Variants in MIB2 observed in about 807,000 individuals in gnomAD.
MIB2 encodes the protein MIB E3 ubiquitin protein ligase 2.
In MIB2, 78 loss-of-function variants were observed where a neutral mutation model predicts 96.6. The observed-to-expected ratio is 0.81, with a 90% CI of 0.67 to 0.97. The LOEUF is 0.97. Among genes scored for constraint, MIB2 ranks in the 50% least tolerant of loss-of-function variants. MIB2 has a pLI of 0.00. For missense variants in MIB2, 1,543 were observed against 1,424.0 expected (o/e 1.08, Z -1.35); for synonymous variants, 820 against 629.5 (o/e 1.30, Z -4.53).
At chr1:1,618,982 G>A (rs9442425) in intron 2 of MIB2, 103,678 of 152,402 alleles carry the variant, frequency 0.68, 36,083 homozygotes, top group Non-Finnish European at 0.74. Flanking sequence ...CAGGAGCCCA[G>A]TGGCAGGTCT....
rs1203774309 is a variant in MIB2, at chr1:1,627,705, G to C, written c.1556G>C (p.Ser519Thr). 6.3e-7 allele frequency: 1 copy of C among 1,595,412 alleles called. No homozygotes were observed. Among genetic ancestry groups the C allele is most frequent in the Admixed American group, 1.7e-5 (1 of 59,646 alleles). ...NQPEATRVLL[S>T]AGCRADAINS... ...CCCGAGGCCACCAGGGTGCTCCTGA[G>C]TGCTGGGTGCCGGGCGGACGCCATC... The change falls in exon 13 of 20, where the codon AGT becomes ACT. Residue 519 changes from serine (S) to threonine (T), a missense_variant. Coordinates refer to ENST00000355826, the MANE Select transcript of MIB2 (RefSeq NM_001170687.4).
chr1:1,615,473 T>G, upstream of MIB2: 1 of 1,520,024 alleles, frequency 6.6e-7, no homozygotes, highest in South Asian at 1.2e-5. Context: ...GCGGGGGCGC[T>G]CCGGCGGGGG....
chr1:1,630,591 A>T lies in MIB2; in HGVS notation c.*61A>T. On this transcript the variant is annotated 3_prime_UTR_variant, in exon 20 of 20. Coordinates refer to ENST00000355826, the MANE Select transcript of MIB2 (RefSeq NM_001170687.4). ...TGCCCCCGCCCTGTGTTTTATAAAA[A>T]GAAAGATTCTCGGACGTTGCCTCTG... is the stretch of plus-strand genomic sequence containing the variant. 7.4e-7 allele frequency: 1 copy of T among 1,346,530 alleles called. No individual in the cohort carries two copies. The highest frequency in any genetic ancestry group is 1.5e-5 in the South Asian group (1 of 67,668). The allele number at this position is 1,346,530 out of a possible 1,614,324, so 83.4% of individuals were successfully genotyped here.
chr1:1,628,629 A>G lies in MIB2; in HGVS notation c.2109A>G (p.Thr703=), dbSNP rs1480102632. ...ACGCCGAGGACGAGGAGGGGGACAC[A>G]GCCCTGCACGTGGCGCTGCAGCGTC... is the stretch of plus-strand genomic sequence containing the variant. The part of the protein sequence containing the change: ...SVNAEDEEGD[T]ALHVALQRHQ... Residue 703 remains threonine, a synonymous_variant, in exon 16 of 20, where the codon ACA becomes ACG. Coordinates refer to ENST00000355826, the MANE Select transcript of MIB2 (RefSeq NM_001170687.4). 3 of 1,597,580 alleles carry G rather than the reference A, an allele frequency of 1.9e-6. No homozygotes were observed. In the East Asian group the frequency reaches 6.8e-5, roughly 36 times the overall value.
chr1:1,623,779 C>G lies in MIB2; in HGVS notation c.253C>G (p.Arg85Gly), dbSNP rs377571029. The G allele has an allele frequency of 6.3e-7, 1 of 1,597,102 alleles. No homozygotes were observed. Residue 85 changes from arginine to glycine, a missense_variant, in exon 4 of 20, where the codon CGG (arginine) becomes GGG (glycine). By Grantham distance (125) the Arg-to-Gly change is moderately radical (BLOSUM62 -2). Coordinates refer to ENST00000355826, the MANE Select transcript of MIB2 (RefSeq NM_001170687.4). ...TGACCCCACCCCACCCCCAGGCGTCCGGCACCCCAACATCATCTGTGACTG... is the reference window on the plus strand; with the variant it reads ...TGACCCCACCCCACCCCCAGGCGTCGGGCACCCCAACATCATCTGTGACTG... ...LLYDNAQIGV[R>G]HPNIICDCCK...
At position 1,625,302 on chromosome 1, in the gene MIB2, G is replaced by A. The variant is rs1282046190; in HGVS notation, c.738G>A (p.Leu246=). The change falls in exon 7 of 20, where the codon CTG becomes CTA. Residue 246 remains leucine, a synonymous_variant. Coordinates refer to ENST00000355826, the MANE Select transcript of MIB2 (RefSeq NM_001170687.4). The surrounding 1 kb of genome is among the most constrained non-coding windows in gnomAD (Gnocchi z 5.0). ...HLPRLGKPAE[L]QRRVSADSQP... Reference sequence around the variant, plus strand: ...CCTCCGCAGGCAAGCCGGCGGAGCTGCAGCGCAGGGTGAGTGCTGACAGCC... The same window carrying A: ...CCTCCGCAGGCAAGCCGGCGGAGCTACAGCGCAGGGTGAGTGCTGACAGCC... 9 of 1,584,598 alleles carry A rather than the reference G, an allele frequency of 5.7e-6. No homozygotes were observed. The highest frequency in any genetic ancestry group is 7.7e-6 in the Non-Finnish European group (9 of 1,167,128).
At position 1,627,085 on chromosome 1, in the gene MIB2, G is replaced by A. The variant is rs778699079; in HGVS notation, c.1252G>A (p.Val418Met). ...AGCCCTGCCCCCAGGCTCACTGAGC[G>A]TGGCCCTGGACAAGCTTCGGGCCCA... ...RARENKSSLSVALDKLRAQKS... is the reference protein window; with the variant it reads ...RARENKSSLSMALDKLRAQKS... Residue 418 changes from valine (V) to methionine (M), a missense_variant, in exon 11 of 20, where the codon GTG becomes ATG. Coordinates refer to ENST00000355826, the MANE Select transcript of MIB2 (RefSeq NM_001170687.4). The A allele has an allele frequency of 1.6e-5, 26 of 1,600,178 alleles. No individual in the cohort carries two copies. The highest frequency in any genetic ancestry group is 4.5e-5 in the East Asian group (2 of 44,294).
rs1020166211 is a variant in MIB2 at position 1,625,497 on chromosome 1, T to G, written c.865-49T>G. On this transcript the variant is annotated intron_variant, in intron 7 of 19. Coordinates refer to ENST00000355826, the MANE Select transcript of MIB2 (RefSeq NM_001170687.4). This position sits in a 1 kb window ranked among gnomAD's most constrained non-coding sequence, Gnocchi z 5.0. The stretch of plus-strand genomic sequence containing the variant: ...GCCCTCCGCCCCCTCAGCCCCTTCC[T>G]CCCCAAGCGTCCAGCCCGACCCAGC... 2 of 1,260,196 alleles carry G rather than the reference T, an allele frequency of 1.6e-6. No homozygotes were observed. Among genetic ancestry groups the G allele is most frequent in the Non-Finnish European group, 2.1e-6 (2 of 930,512 alleles). 78.1% of individuals were successfully genotyped at this position (1,260,196 alleles called of 1,614,324 possible).
upstream of MIB2, chr1:1,614,189 T>C (rs1373868668): frequency 6.6e-6 from 1 of 152,196 alleles, no homozygotes; most frequent in African/African-American, 2.4e-5. Flanking sequence ...GGTACCAAAA[T>C]GGAACTACTT....
chr1:1,628,949 A>G (rs1043978477), intron 16 of MIB2, 184 bp from the exon 17 acceptor site: 3 of 724,102 alleles, frequency 4.1e-6, no homozygotes, highest in Non-Finnish European at 6.5e-6. Context: ...GGTGGAGCTT[A>G]GGGTCTCAGA....
chr1:1,620,314 G>C (rs749270173), intron 2 of MIB2, among the ~76,000 whole-genome samples: 2 of 152,184 alleles, frequency 1.3e-5, no homozygotes, highest in East Asian at 1.9e-4. Context: ...GCTTTTTTGC[G>C]GTCCCAAGTC....
intron 4 of MIB2, chr1:1,624,312 C>A: frequency 2.9e-6 from 1 of 350,626 alleles, no homozygotes; most frequent in South Asian, 3.0e-5. Context: ...AGGTGCCACC[C>A]CGTCCCCTGC....
Position 1,625,402 on chromosome 1 carries a change from G to C in MIB2, c.838G>C (p.Gly280Arg). The stretch of plus-strand genomic sequence containing the variant: ...CCTGCGGGAGATGCAGGAAGGCCAC[G>C]GCGGCTGGAACCCCAGGATGGCGGA... ...DVLREMQEGH[G>R]GWNPRMAEFI... is the part of the protein sequence containing the mutation. The change falls in exon 7 of 20, where the codon GGC (glycine) becomes CGC (arginine). Residue 280 changes from glycine (G) to arginine (R), a missense_variant. Transcript: ENST00000355826. The surrounding 1 kb of genome is among the most constrained non-coding windows in gnomAD (Gnocchi z 5.0). 6.3e-7 allele frequency: 1 copy of C among 1,578,208 alleles called. No individual in the cohort carries two copies. The highest frequency in any genetic ancestry group is 2.4e-5 in the East Asian group (1 of 42,484).
rs1429138800 is a variant in MIB2 at position 1,627,667 on chromosome 1, T to C, written c.1524-6T>C. On this transcript the variant is annotated splice_polypyrimidine_tract_variant and splice_region_variant and intron_variant, in intron 12 of 19. Transcript: ENST00000355826. ...GCCCTCCCTCTCCCACTTCCTCTCC[T>C]GTCAGGAACCAGCCCGAGGCCACCA... 6.3e-7 allele frequency: 1 copy of C among 1,589,658 alleles called. No individual in the cohort carries two copies.
In MIB2 at chr1:1,628,561, G is replaced by T. The variant is rs758867372; in HGVS notation, c.2041G>T (p.Val681Leu). The T allele has an allele frequency of 3.7e-6, 6 of 1,601,120 alleles. No homozygotes were observed. In the East Asian group the frequency reaches 1.3e-4, roughly 36 times the overall value. Residue 681 changes from valine (V) to leucine (L), a missense_variant, in exon 16 of 20, where the codon GTG becomes TTG. Val to Leu is a conservative substitution (Grantham distance 32). Transcript: ENST00000355826. ...PLHLAVQQAH[V>L]GLVPLLVDAG... ...GCATCTCGCCGTGCAACAGGCCCACGTGGGGCTGGTGCCGCTACTGGTGGA... is the reference window on the plus strand; with the variant it reads ...GCATCTCGCCGTGCAACAGGCCCACTTGGGGCTGGTGCCGCTACTGGTGGA...
chr1:1,623,863 G>A lies in MIB2; in HGVS notation c.337G>A (p.Asp113Asn). Residue 113 changes from aspartate (D) to asparagine (N), a missense_variant, in exon 4 of 20, where the codon GAC (aspartate) becomes AAC (asparagine). Transcript: ENST00000355826. Reference protein sequence around the residue: ...RWKCRVCLDYDLCTQCYMHNK... With the variant: ...RWKCRVCLDYNLCTQCYMHNK... ...GAAGTGCCGTGTGTGCCTGGACTAC[G>A]ACCTCTGCACGCAGTGCTACATGCA... 1.9e-6 allele frequency: 3 copies of A among 1,611,774 alleles called. No homozygotes were observed. Among genetic ancestry groups the A allele is most frequent in the Non-Finnish European group, 2.5e-6 (3 of 1,179,482 alleles).
In MIB2 at chr1:1,626,591, A is replaced by G. The variant is rs1644788311; in HGVS notation, c.973-59A>G. 5.0e-6 allele frequency: 7 copies of G among 1,410,940 alleles called. No homozygotes were observed. Among genetic ancestry groups the G allele is most frequent in the Admixed American group, 2.7e-5 (1 of 37,090 alleles). 87.4% of individuals were successfully genotyped at this position (1,410,940 alleles called of 1,614,324 possible). A position where few individuals can be genotyped will look rare whatever the true frequency, so the allele number is the denominator to read the frequency against. On this transcript the variant is annotated intron_variant, in intron 8 of 19. Transcript: ENST00000355826. This position sits in a 1 kb window ranked among gnomAD's most constrained non-coding sequence, Gnocchi z 5.3. Reference sequence around the variant, plus strand: ...GCTCAGCAGGTTGCCCTCCTGTTGCATGAGCCTGGGCAGCCACACACAGCT... The same window carrying G: ...GCTCAGCAGGTTGCCCTCCTGTTGCGTGAGCCTGGGCAGCCACACACAGCT...
chr1:1,630,119 G>GC (rs1638556993), intron 19 of MIB2, among the ~76,000 whole-genome samples, 173 bp from the exon 20 acceptor site: 1 of 141,702 alleles, frequency 7.1e-6, no homozygotes, highest in Admixed American at 7.2e-5. Context: ...CTCACCTCCT[G>GC]CCCGCACCCG....
In MIB2 at chr1:1,629,720, C is replaced by G; in HGVS notation, c.2629+16C>G. ...CTGCGCCCAGGTGGGTGAGGCTCTG[C>G]GCCCCCAACACGCCTCCTGCTCAGC... is the stretch of plus-strand genomic sequence containing the variant. On this transcript the variant is annotated intron_variant, in intron 19 of 19. Coordinates refer to ENST00000355826, the MANE Select transcript of MIB2 (RefSeq NM_001170687.4). 1 of 1,572,722 alleles carries G rather than the reference C, an allele frequency of 6.4e-7. No homozygotes were observed. The highest frequency in any genetic ancestry group is 1.8e-5 in the Admixed American group (1 of 54,788).
Sources: gnomAD v4.1 joint callset for allele counts (sites outside exome capture counted in the v4.1 genomes callset) on GRCh38, gnomAD v4.1.1 for gene constraint, Gnocchi (gnomAD v3.1) non-coding constraint, MANE v1.5 for transcripts, NCBI Gene and HGNC (gene_info 2026-07-23, HGNC 2026-07-21) for gene names.